Variants in BCO1 observed in about 807,000 individuals in gnomAD.
The protein encoded by BCO1 is beta-carotene oxygenase 1.
BCO1 carries 54 observed loss-of-function variants against 56.3 expected under a neutral mutation model. The observed-to-expected ratio is 0.96, with a 90% confidence interval of 0.77 to 1.20. The LOEUF (loss-of-function observed/expected upper bound fraction) is 1.20, where lower values mean the gene tolerates loss of function less well. Among genes scored for constraint, BCO1 ranks in the 50% most tolerant of loss-of-function variants. The pLI is 0.00. For synonymous variants in BCO1, 318 were observed against 266.1 expected (o/e 1.20, Z -1.90); for missense variants, 801 against 690.9 (o/e 1.16, Z -1.79).
chr16:81,239,042 A>T, intron 1 of BCO1, 70 bp downstream of exon 1: 1 of 1,337,508 alleles, frequency 7.5e-7, no homozygotes. Flanking sequence ...TTTGAGGCGG[A>T]GTCTCGCTCT....
chr16:81,254,651 C>T (rs560305791), intron 2 of BCO1, among the ~76,000 whole-genome samples: 1 of 152,182 alleles, frequency 6.6e-6, no homozygotes, highest in African/African-American at 2.4e-5. Flanking sequence ...AATGTACATT[C>T]AAATCCTTTG....
At chr16:81,267,255 C>A (rs1906884814) in intron 5 of BCO1, among the ~76,000 whole-genome samples, 1 of 152,096 alleles carries the variant, frequency 6.6e-6, no homozygotes, top group Non-Finnish European at 1.5e-5. Context: ...TCCACTAAGC[C>A]TCAGTTTCCC....
At chr16:81,279,876 T>C (rs1907764277) in intron 7 of BCO1, among the ~76,000 whole-genome samples, 1 of 152,154 alleles carries the variant, frequency 6.6e-6, no homozygotes, top group South Asian at 2.1e-4. Context: ...CAGTGATAAC[T>C]TTTCCTAGAA....
intron 2 of BCO1, among the ~76,000 whole-genome samples, chr16:81,246,125 G>C (rs1331653422): frequency 6.6e-6 from 1 of 151,812 alleles, no homozygotes; most frequent in Non-Finnish European, 1.5e-5. Context: ...CACTGCGCCC[G>C]GCCTCCATCT....
At chr16:81,246,455 A>T (rs1905422635) in intron 2 of BCO1, among the ~76,000 whole-genome samples, 1 of 152,110 alleles carries the variant, frequency 6.6e-6, no homozygotes, top group African/African-American at 2.4e-5. Context: ...GTTCTTTTTC[A>T]AATAGTTAAT....
At chr16:81,249,031 G>T (rs1014316447) in intron 2 of BCO1, among the ~76,000 whole-genome samples, 1 of 151,430 alleles carries the variant, frequency 6.6e-6, no homozygotes, top group Non-Finnish European at 1.5e-5. Flanking sequence ...AGCACCAGTG[G>T]TTTTCCTTCC....
chr16:81,267,820 C>G, intron 5 of BCO1, 88 bp from the exon 6 acceptor site: 3 of 1,142,344 alleles, frequency 2.6e-6, no homozygotes, highest in Admixed American at 3.7e-5. Context: ...TTTCAGCAAT[C>G]AAGTCAGTTT....
At chr16:81,268,450 C>G (rs192137204) in intron 6 of BCO1, among the ~76,000 whole-genome samples, 1 of 152,300 alleles carries the variant, frequency 6.6e-6, no homozygotes, top group East Asian at 1.9e-4. Flanking sequence ...TTATGGAGAG[C>G]TGGGCTCCTC....
intron 7 of BCO1, among the ~76,000 whole-genome samples, chr16:81,277,114 G>C (rs979608165): frequency 6.7e-6 from 1 of 149,574 alleles, no homozygotes; most frequent in Non-Finnish European, 1.5e-5. Context: ...AATTTAAATC[G>C]CAACATATGG....
intron 2 of BCO1, among the ~76,000 whole-genome samples, chr16:81,246,808 G>T (rs568889375): frequency 1.4e-4 from 20 of 142,422 alleles, no homozygotes; most frequent in African/African-American, 5.0e-4. Flanking sequence ...CTGAAATTGT[G>T]CCACTGCACT....
chr16:81,269,361 G>A (rs144776460), intron 6 of BCO1, among the ~76,000 whole-genome samples: 23 of 150,722 alleles, frequency 1.5e-4, no homozygotes, highest in Non-Finnish European at 2.9e-4. Flanking sequence ...GCAGTGGTGC[G>A]ATATCAGTTC....
intron 1 of BCO1, among the ~76,000 whole-genome samples, chr16:81,243,258 A>G (rs1905219895): frequency 6.6e-6 from 1 of 152,158 alleles, no homozygotes. Context: ...TGCAGAAAAT[A>G]TCTGGTCCTG....
At chr16:81,239,570 C>A (rs909030964) in intron 1 of BCO1, among the ~76,000 whole-genome samples, 1 of 152,162 alleles carries the variant, frequency 6.6e-6, no homozygotes, top group African/African-American at 2.4e-5. Flanking sequence ...TGCTGCCTGT[C>A]TCAGATGCAT....
At chr16:81,245,740 G>A in intron 2 of BCO1, 137 bp downstream of exon 2, 1 of 1,089,226 alleles carries the variant, frequency 9.2e-7, no homozygotes, top group African/African-American at 1.6e-5. Flanking sequence ...TGAAATCAAG[G>A]TGTTCATAGG....
intron 9 of BCO1, 57 bp from the exon 10 acceptor site, chr16:81,287,238 G>T: frequency 7.6e-7 from 1 of 1,308,542 alleles, no homozygotes; most frequent in South Asian, 1.2e-5. Context: ...CCTATTTGCA[G>T]AGAATAGTAT....
intron 2 of BCO1, among the ~76,000 whole-genome samples, chr16:81,255,347 G>A (rs1315184875): frequency 1.3e-5 from 2 of 152,132 alleles, no homozygotes; most frequent in African/African-American, 4.8e-5. Context: ...ACCTCTCTGT[G>A]CCTCAATTTT....
intron 2 of BCO1, among the ~76,000 whole-genome samples, chr16:81,246,988 A>G (rs1905465786): frequency 1.3e-5 from 2 of 152,182 alleles, no homozygotes; most frequent in South Asian, 4.1e-4. Flanking sequence ...ATGGATAAAT[A>G]TAGGGCATCA....
At chr16:81,259,603 T>C (rs1440301626) in intron 2 of BCO1, 73 bp from the exon 3 acceptor site, 1 of 1,603,336 alleles carries the variant, frequency 6.2e-7, no homozygotes, top group Non-Finnish European at 8.5e-7. Flanking sequence ...GTAAAACCCA[T>C]ACAAGGACTG....
chr16:81,279,988 C>T (rs530178555), intron 7 of BCO1, among the ~76,000 whole-genome samples: 2 of 152,100 alleles, frequency 1.3e-5, no homozygotes, highest in East Asian at 1.9e-4. Context: ...TCTGGCTGGG[C>T]GTGGTGGCTC....
Sources: allele counts gnomAD v4.1 joint callset (sites outside exome capture counted in the v4.1 genomes callset), GRCh38; gene constraint gnomAD v4.1.1; transcripts MANE v1.5; gene names NCBI Gene and HGNC (gene_info 2026-07-23, HGNC 2026-07-21).